PLCL1: variants seen among roughly 807,000 people sequenced by gnomAD.
PLCL1 encodes the protein inactive phospholipase C-like protein 1.
Under a neutral mutation model 84.4 loss-of-function variants are expected in PLCL1, and 41 were observed. The observed-to-expected ratio is 0.49, with a 90% CI of 0.38 to 0.63. The LOEUF (loss-of-function observed/expected upper bound fraction) is 0.63, where lower values mean the gene tolerates loss of function less well. Ranked by LOEUF, PLCL1 falls within the 30% of genes least tolerant of loss-of-function variation. PLCL1 has a pLI of 0.00. For missense variants in PLCL1, 1,206 were observed against 1,367.8 expected, an observed-to-expected ratio of 0.88 and a Z score of 1.87; for synonymous variants, 490 against 488.3, an observed-to-expected ratio of 1.00 and a Z score of -0.05.
chr2:198,139,978 G>A (rs1694346067), intron 5 of PLCL1, among the ~76,000 whole-genome samples: 1 of 151,760 alleles, frequency 6.6e-6, no homozygotes, highest in East Asian at 1.9e-4. Context: ...CTGTCACCCA[G>A]GCTGGAGGGC....
chr2:197,944,749 A>G (rs1237201438), intron 1 of PLCL1, among the ~76,000 whole-genome samples: 1 of 152,190 alleles, frequency 6.6e-6, no homozygotes, highest in Non-Finnish European at 1.5e-5. Context: ...TTTAGCTTCT[A>G]AAGTATCCAG....
At chr2:198,024,855 C>G (rs558638237) in intron 1 of PLCL1, among the ~76,000 whole-genome samples, 1 of 151,796 alleles carries the variant, frequency 6.6e-6, no homozygotes, top group Admixed American at 6.6e-5. Context: ...ATTAATTTCC[C>G]TAATTAACGT....
chr2:198,069,188 A>G (rs1692405466), intron 1 of PLCL1, among the ~76,000 whole-genome samples: 1 of 151,590 alleles, frequency 6.6e-6, no homozygotes, highest in Non-Finnish European at 1.5e-5. Flanking sequence ...AAGTGAACCA[A>G]CACACAAGGA....
At chr2:197,921,117 AC>A (rs1264972183) in intron 1 of PLCL1, among the ~76,000 whole-genome samples, 2 of 152,242 alleles carry the variant, frequency 1.3e-5, no homozygotes, top group Admixed American at 1.3e-4. Context: ...TGTACTAAAT[AC>A]TGTAGGCAAT....
At chr2:198,070,608 A>G (rs920858720) in intron 1 of PLCL1, among the ~76,000 whole-genome samples, 3 of 152,038 alleles carry the variant, frequency 2.0e-5, no homozygotes, top group African/African-American at 7.2e-5. Flanking sequence ...ATATTGTATT[A>G]GAAGTGCATT....
chr2:197,999,622 T>C (rs919179362), intron 1 of PLCL1, among the ~76,000 whole-genome samples: 10 of 152,196 alleles, frequency 6.6e-5, no homozygotes, highest in African/African-American at 1.9e-4. Flanking sequence ...CAGAATTCTA[T>C]AGATTAGATG....
chr2:197,954,940 T>C (rs1486723375), intron 1 of PLCL1, among the ~76,000 whole-genome samples: 13 of 152,038 alleles, frequency 8.6e-5, no homozygotes. Context: ...GAGGAAGCTA[T>C]GTGGAGAATT....
chr2:198,146,902 C>G lies in PLCL1; in HGVS notation c.3228C>G (p.Ser1076Arg). 3.1e-6 allele frequency: 5 copies of G among 1,613,236 alleles called. No homozygotes were observed. The highest frequency in any genetic ancestry group is 4.2e-6 in the Non-Finnish European group (5 of 1,179,516). ...CCAGCAGCAGTGCTGAGGCCAAGAGCAAGCGCAGCCTGGAAGCCATAGAGG... is the reference window on the plus strand; with the variant it reads ...CCAGCAGCAGTGCTGAGGCCAAGAGGAAGCGCAGCCTGGAAGCCATAGAGG... ...KAPSSSAEAK[S>R]KRSLEAIEEK... Residue 1076 changes from serine (S) to arginine (R), a missense_variant, in exon 6 of 6, where the codon AGC (serine) becomes AGG (arginine). Ser to Arg is a moderately radical substitution (Grantham distance 110). Transcript: ENST00000428675.
intron 1 of PLCL1, among the ~76,000 whole-genome samples, chr2:197,993,821 A>C (rs954374064): frequency 6.6e-6 from 1 of 152,146 alleles, no homozygotes; most frequent in Non-Finnish European, 1.5e-5. Flanking sequence ...ATTTCCATCA[A>C]GGTCAGTCTC....
intron 1 of PLCL1, among the ~76,000 whole-genome samples, chr2:197,983,105 A>ATTT (rs748443762): frequency 1.3e-4 from 18 of 136,076 alleles, no homozygotes; most frequent in Non-Finnish European, 2.5e-4. Flanking sequence ...AGGAGTTATT[A>ATTT]TTTGCTTCAG....
At chr2:198,108,187 T>C (rs1693534817) in intron 5 of PLCL1, among the ~76,000 whole-genome samples, 1 of 151,942 alleles carries the variant, frequency 6.6e-6, no homozygotes, top group African/African-American at 2.4e-5. Context: ...TTTATAAGTT[T>C]AGTAGATTCA....
intron 1 of PLCL1, among the ~76,000 whole-genome samples, chr2:197,942,770 C>T (rs1395507946): frequency 6.6e-6 from 1 of 152,146 alleles, no homozygotes; most frequent in African/African-American, 2.4e-5. Context: ...CACAGGTTCT[C>T]TTGTCTAATG....
intron 1 of PLCL1, among the ~76,000 whole-genome samples, chr2:197,832,228 A>G (rs1057081174): frequency 6.6e-6 from 1 of 152,188 alleles, no homozygotes; most frequent in African/African-American, 2.4e-5. Context: ...TGTTTTTTTG[A>G]AAAGATTAAC....
At chr2:197,869,243 A>G (rs773592073) in intron 1 of PLCL1, among the ~76,000 whole-genome samples, 9 of 152,166 alleles carry the variant, frequency 5.9e-5, no homozygotes, top group Non-Finnish European at 1.3e-4. Flanking sequence ...TATTGTTTCT[A>G]TCATATCAAA....
intron 1 of PLCL1, among the ~76,000 whole-genome samples, chr2:197,961,260 A>AGAGAGAGAGAGAGG (rs1559057212): frequency 1.3e-5 from 2 of 151,814 alleles, no homozygotes; most frequent in South Asian, 4.1e-4. Context: ...AGAGAGAGAG[A>AGAGAGAGAGAGAGG]GAGAGAGCGA....
At chr2:197,963,806 A>T (rs115253974) in intron 1 of PLCL1, among the ~76,000 whole-genome samples, 1 of 152,006 alleles carries the variant, frequency 6.6e-6, no homozygotes, top group Non-Finnish European at 1.5e-5. Flanking sequence ...CTGCATGTGG[A>T]TGGCTATCCA....
At chr2:197,984,502 T>C (rs1690180900) in intron 1 of PLCL1, among the ~76,000 whole-genome samples, 1 of 152,232 alleles carries the variant, frequency 6.6e-6, no homozygotes, top group African/African-American at 2.4e-5. Context: ...AAATATGCTC[T>C]ACTAGATCCT....
rs533427217 is a variant in PLCL1 at position 198,149,733 on chromosome 2, C to T, written c.*2771C>T. ...CTTTAGACACTGTTTAGAGTTTATA[C>T]ATATATGTAAATATGCTTGTATTTT... On this transcript the variant is annotated 3_prime_UTR_variant, in exon 6 of 6. Coordinates refer to ENST00000428675, the MANE Select transcript of PLCL1 (RefSeq NM_006226.4). 2.0e-5 allele frequency: 3 copies of T among 152,168 alleles called. No individual in the cohort carries two copies. In the East Asian group the frequency reaches 5.8e-4, roughly 29 times the overall value. 9.4% of individuals were successfully genotyped at this position (152,168 alleles called of 1,614,324 possible). A position where few individuals can be genotyped will look rare whatever the true frequency, so the allele number is the denominator to read the frequency against.
intron 2 of PLCL1, among the ~76,000 whole-genome samples, chr2:198,087,076 A>G (rs1692905323): frequency 6.6e-6 from 1 of 152,196 alleles, no homozygotes; most frequent in Non-Finnish European, 1.5e-5. Flanking sequence ...TGGCACTCAA[A>G]CTGGTTGAAA....
Sources: gnomAD v4.1 joint callset for allele counts (sites outside exome capture counted in the v4.1 genomes callset) on GRCh38, gnomAD v4.1.1 for gene constraint, MANE v1.5 for transcripts, NCBI Gene and HGNC (gene_info 2026-07-23, HGNC 2026-07-21) for gene names.